The following LAYN variants were observed in gnomAD, a reference collection of about 807,000 sequenced individuals.
LAYN encodes layilin.
LAYN carries 38 observed loss-of-function variants against 43.6 expected under a neutral mutation model. The observed-to-expected ratio is 0.87, with a 90% CI of 0.67 to 1.14. The LOEUF is 1.14. Among genes scored for constraint, LAYN ranks in the 50% most tolerant of loss-of-function variants. The pLI is 0.00. For missense variants in LAYN, 479 were observed against 463.8 expected (o/e 1.03, Z -0.30); for synonymous variants, 168 against 172.9 (o/e 0.97, Z 0.22).
intron 2 of LAYN, among the ~76,000 whole-genome samples, chr11:111,549,189 G>T (rs1867697129): frequency 6.6e-6 from 1 of 152,218 alleles, no homozygotes; most frequent in Non-Finnish European, 1.5e-5. Flanking sequence ...GTTGGTGGCT[G>T]TTGAAAATCA....
intron 2 of LAYN, among the ~76,000 whole-genome samples, chr11:111,548,272 G>C (rs1330028974): frequency 6.6e-6 from 1 of 152,240 alleles, no homozygotes; most frequent in East Asian, 1.9e-4. Context: ...AAAACGGGAA[G>C]TTATTACCAT....
chr11:111,560,491 A>G lies in LAYN; in HGVS notation c.*33A>G, dbSNP rs750604198. The G allele has an allele frequency of 6.3e-7, 1 of 1,576,388 alleles. No homozygotes were observed. The highest frequency in any genetic ancestry group is 1.9e-5 in the Admixed American group (1 of 54,034). On this transcript the variant is annotated 3_prime_UTR_variant, in exon 7 of 7. Transcript: ENST00000375614. ...AAAAAACTGAAACTGACAACAATGG[A>G]AAAGAAATGATAAGCAAAATCCTCT...
Position 111,560,255 on chromosome 11 carries a change from C to T in LAYN, c.922C>T (p.Arg308Ter), listed in dbSNP as rs750971907. Residue 308 changes from arginine to a stop codon, truncating the protein, a stop_gained, in exon 7 of 7, where the codon CGA becomes TGA. Transcript: ENST00000375614. LOFTEE classifies it high-confidence loss of function. ...TRPDLKNISF[R>*]VCSGEATPDD... ...GCCAGACCTGAAGAATATTTCATTC[C>T]GAGTGTGTTCGGGAGAAGCCACTCC... 10 of 1,614,016 alleles carry T rather than the reference C, an allele frequency of 6.2e-6. No homozygotes were observed. The highest frequency in any genetic ancestry group is 4.5e-5 in the East Asian group (2 of 44,898).
chr11:111,546,287 T>C (rs145993680), intron 2 of LAYN, among the ~76,000 whole-genome samples: 1 of 152,344 alleles, frequency 6.6e-6, no homozygotes, highest in East Asian at 1.9e-4. Context: ...TTCCAGTCTA[T>C]TTCCATTTAG....
At chr11:111,554,774 T>C (rs1228833103) in intron 4 of LAYN, among the ~76,000 whole-genome samples, 181 bp downstream of exon 4, 1 of 152,244 alleles carries the variant, frequency 6.6e-6, no homozygotes, top group African/African-American at 2.4e-5. Flanking sequence ...TCATCTCATT[T>C]TCTAGTGTTC....
Position 111,540,813 on chromosome 11 carries a change from C to T in LAYN, c.-31C>T. The T allele has an allele frequency of 6.6e-7, 1 of 1,513,514 alleles. No individual in the cohort carries two copies. Among genetic ancestry groups the T allele is most frequent in the South Asian group, 1.2e-5 (1 of 81,888 alleles). The allele number at this position is 1,513,514 out of a possible 1,614,324, so 93.8% of individuals were successfully genotyped here. A position where few individuals can be genotyped will look rare whatever the true frequency, so the allele number is the denominator to read the frequency against. On this transcript the variant is annotated 5_prime_UTR_variant, in exon 1 of 7. The change creates a premature stop within an existing upstream ORF in the 5' untranslated region. Coordinates refer to ENST00000375614, the MANE Select transcript of LAYN (RefSeq NM_178834.5). The stretch of plus-strand genomic sequence containing the variant: ...CAGCCCGCTCCACCGCCGTAGCGCC[C>T]GAGTGTCGGGGGGCGCACCCGAGTC...
intron 6 of LAYN, 29 bp from the exon 7 acceptor site, chr11:111,560,066 C>T (rs747961021): frequency 5.7e-6 from 9 of 1,573,460 alleles, no homozygotes; most frequent in Non-Finnish European, 7.8e-6. Flanking sequence ...TGGTCTAAAA[C>T]ACTCAGCCCT....
At chr11:111,550,857 A>T (rs1591567601) in intron 3 of LAYN, among the ~76,000 whole-genome samples, 1 of 152,168 alleles carries the variant, frequency 6.6e-6, no homozygotes, top group African/African-American at 2.4e-5. Context: ...CACTTCCTTT[A>T]ACAGTTTTTG....
At chr11:111,556,197 A>G (rs1035677131) in intron 5 of LAYN, among the ~76,000 whole-genome samples, 5 of 152,342 alleles carry the variant, frequency 3.3e-5, no homozygotes, top group Non-Finnish European at 5.9e-5. Context: ...TGGGATACAA[A>G]TCAGGATCAG....
At chr11:111,555,039 T>C (rs1194275153) in intron 4 of LAYN, among the ~76,000 whole-genome samples, 168 bp from the exon 5 acceptor site, 1 of 152,206 alleles carries the variant, frequency 6.6e-6, no homozygotes, top group African/African-American at 2.4e-5. Context: ...CAAAGATAAT[T>C]TAAACCTCTA....
intron 2 of LAYN, among the ~76,000 whole-genome samples, chr11:111,544,465 A>G (rs537264148): frequency 6.6e-6 from 1 of 152,352 alleles, no homozygotes; most frequent in South Asian, 2.1e-4. Flanking sequence ...TTGTTTCAAC[A>G]GCATATAATG....
At chr11:111,542,051 C>T (rs1324672621) in intron 1 of LAYN, among the ~76,000 whole-genome samples, 1 of 152,208 alleles carries the variant, frequency 6.6e-6, no homozygotes, top group Non-Finnish European at 1.5e-5. Flanking sequence ...TTATGTTTCC[C>T]TTGACAATCC....
At chr11:111,547,370 A>C (rs1023695966) in intron 2 of LAYN, among the ~76,000 whole-genome samples, 7 of 152,232 alleles carry the variant, frequency 4.6e-5, no homozygotes, top group African/African-American at 1.7e-4. Flanking sequence ...TCCAATTAGC[A>C]TGATGTCAGC....
At chr11:111,558,475 A>G (rs2135805391) in intron 6 of LAYN, among the ~76,000 whole-genome samples, 1 of 152,280 alleles carries the variant, frequency 6.6e-6, no homozygotes, top group Non-Finnish European at 1.5e-5. Context: ...TATACTAAGC[A>G]CTTGAATGTT....
intron 1 of LAYN, among the ~76,000 whole-genome samples, chr11:111,541,851 T>G (rs1022547913): frequency 6.6e-6 from 1 of 152,156 alleles, no homozygotes; most frequent in Non-Finnish European, 1.5e-5. Flanking sequence ...GGCTCTGTCC[T>G]TGGTCGCGGG....
At position 111,540,936 on chromosome 11, in the gene LAYN, C is replaced by G; in HGVS notation, c.85+8C>G. 1 of 1,529,948 alleles carries G rather than the reference C, an allele frequency of 6.5e-7. No homozygotes were observed. Among genetic ancestry groups the G allele is most frequent in the Non-Finnish European group, 8.7e-7 (1 of 1,144,246 alleles). The allele number at this position is 1,529,948 out of a possible 1,614,324, so 94.8% of individuals were successfully genotyped here. ...CGGGTCGCCTGCTGAGTGGTGAGTG[C>G]GCGCGCTGGGGCGGGGGCTGGTGCC... is the stretch of plus-strand genomic sequence containing the variant. On this transcript the variant is annotated splice_region_variant and intron_variant, in intron 1 of 6. Coordinates refer to ENST00000375614, the MANE Select transcript of LAYN (RefSeq NM_178834.5).
chr11:111,551,348 A>C, intron 3 of LAYN: 1 of 456,294 alleles, frequency 2.2e-6, no homozygotes, highest in South Asian at 1.5e-5. Flanking sequence ...TCAGAGACCA[A>C]AGAACAAGGG....
chr11:111,541,962 C>G (rs1867550486), intron 1 of LAYN, among the ~76,000 whole-genome samples: 1 of 152,194 alleles, frequency 6.6e-6, no homozygotes, highest in African/African-American at 2.4e-5. Flanking sequence ...CTCCTTCCAG[C>G]TCTGACGGTC....
rs1488748107 is a variant in LAYN, at chr11:111,561,000, T to C, written c.*542T>C. On this transcript the variant is annotated 3_prime_UTR_variant, in exon 7 of 7. Transcript: ENST00000375614. ...GTGTCTACAGCCCTTCCTCTGCATG[T>C]GGCCACAGGGGACCTTTTTTTGTTT... 6.5e-6 allele frequency: 1 copy of C among 152,694 alleles called. No individual in the cohort carries two copies. The allele number at this position is 152,694 out of a possible 1,614,324, so 9.5% of individuals were successfully genotyped here.
Sources: gnomAD v4.1 joint callset for allele counts (sites outside exome capture counted in the v4.1 genomes callset) on GRCh38, gnomAD v4.1.1 for gene constraint, MANE v1.5 for transcripts, NCBI Gene and HGNC (gene_info 2026-07-23, HGNC 2026-07-21) for gene names.